The following SPOCK3 variants were observed in gnomAD, a reference collection of about 807,000 sequenced individuals.
SPOCK3 encodes the protein testican-3.
Under a neutral mutation model 56.6 loss-of-function variants are expected in SPOCK3, and 30 were observed. The ratio of observed to expected loss-of-function variants is 0.53; its 90% CI spans 0.40 to 0.72. The LOEUF (loss-of-function observed/expected upper bound fraction) is 0.72. Ranked by LOEUF, SPOCK3 falls within the 30% of genes least tolerant of loss-of-function variation. The pLI is 0.00. For synonymous variants in SPOCK3, 196 were observed against 183.3 expected (o/e 1.07, Z -0.56); for missense variants, 527 against 530.0 (o/e 0.99, Z 0.06).
intron 2 of SPOCK3, among the ~76,000 whole-genome samples, chr4:167,213,257 C>A (rs1735048319): frequency 6.6e-6 from 1 of 152,132 alleles, no homozygotes; most frequent in Non-Finnish European, 1.5e-5. Flanking sequence ...TTTACATGTG[C>A]AATTTCTTCC....
At chr4:166,901,379 A>G (rs1325503869) in intron 5 of SPOCK3, among the ~76,000 whole-genome samples, 2 of 152,162 alleles carry the variant, frequency 1.3e-5, no homozygotes, top group African/African-American at 4.8e-5. Context: ...TATAGGTCCC[A>G]CCTGCAAAGT....
chr4:167,073,219 G>A (rs908453182), intron 2 of SPOCK3, among the ~76,000 whole-genome samples: 4 of 151,372 alleles, frequency 2.6e-5, no homozygotes, highest in African/African-American at 9.7e-5. Context: ...ATTGAATATA[G>A]TTTATAAGAC....
intron 3 of SPOCK3, among the ~76,000 whole-genome samples, chr4:167,046,441 T>G (rs1753729326): frequency 6.7e-6 from 1 of 148,740 alleles, no homozygotes; most frequent in Admixed American, 6.8e-5. Flanking sequence ...TTTTTTTCTT[T>G]CTGATATTCT....
At chr4:167,171,450 T>C (rs1389817690) in intron 2 of SPOCK3, among the ~76,000 whole-genome samples, 5 of 152,122 alleles carry the variant, frequency 3.3e-5, no homozygotes, top group Non-Finnish European at 7.4e-5. Context: ...TGGGGAAAAA[T>C]GTACAAAAGG....
intron 6 of SPOCK3, among the ~76,000 whole-genome samples, chr4:166,874,564 G>A (rs1732881315): frequency 6.6e-6 from 1 of 152,158 alleles, no homozygotes; most frequent in Non-Finnish European, 1.5e-5. Context: ...GAATTAGCAT[G>A]TAATTGCTAA....
intron 6 of SPOCK3, among the ~76,000 whole-genome samples, chr4:166,841,066 C>A (rs1747239884): frequency 6.6e-6 from 1 of 151,862 alleles, no homozygotes; most frequent in African/African-American, 2.4e-5. Context: ...GCGTAAGCCC[C>A]CACGCCCGGC....
intron 2 of SPOCK3, among the ~76,000 whole-genome samples, chr4:167,092,247 C>G (rs1319451697): frequency 2.6e-5 from 4 of 152,140 alleles, no homozygotes; most frequent in African/African-American, 9.6e-5. Flanking sequence ...CCGTGAGGAA[C>G]AGTGCATTCT....
intron 3 of SPOCK3, among the ~76,000 whole-genome samples, chr4:167,003,493 C>A (rs1749152458): frequency 6.6e-6 from 1 of 152,148 alleles, no homozygotes; most frequent in Non-Finnish European, 1.5e-5. Context: ...AACAATAACA[C>A]AACAAATTTC....
chr4:166,818,490 A>G (rs749262465), intron 6 of SPOCK3, among the ~76,000 whole-genome samples: 1 of 152,018 alleles, frequency 6.6e-6, no homozygotes, highest in Non-Finnish European at 1.5e-5. Context: ...CCTTGGCATG[A>G]TTAAGTGTAA....
chr4:167,022,989 T>C (rs1751343126), intron 3 of SPOCK3, among the ~76,000 whole-genome samples: 1 of 152,080 alleles, frequency 6.6e-6, no homozygotes, highest in South Asian at 2.1e-4. Context: ...CCAAGGTCTT[T>C]CCTCCAGTCT....
intron 2 of SPOCK3, among the ~76,000 whole-genome samples, chr4:167,133,238 A>G (rs1762840074): frequency 6.6e-6 from 1 of 152,204 alleles, no homozygotes; most frequent in Non-Finnish European, 1.5e-5. Flanking sequence ...CTGGAGGGTC[A>G]GCATGAAAGA....
chr4:167,151,339 G>T (rs952973617), intron 2 of SPOCK3, among the ~76,000 whole-genome samples: 2 of 152,142 alleles, frequency 1.3e-5, no homozygotes, highest in Non-Finnish European at 2.9e-5. Flanking sequence ...CAGAGGGTGC[G>T]GCAGCACTTG....
chr4:166,894,872 A>G (rs759697903), intron 5 of SPOCK3, among the ~76,000 whole-genome samples: 3 of 152,182 alleles, frequency 2.0e-5, no homozygotes, highest in Non-Finnish European at 4.4e-5. Flanking sequence ...AACACACCTC[A>G]AAATACTCTG....
chr4:167,030,336 T>G (rs556401965), intron 3 of SPOCK3, among the ~76,000 whole-genome samples: 3 of 152,234 alleles, frequency 2.0e-5, no homozygotes, highest in South Asian at 4.1e-4. Flanking sequence ...AGATAAACAT[T>G]ATTTTTTATC....
intron 3 of SPOCK3, among the ~76,000 whole-genome samples, chr4:167,042,123 C>T (rs1414686140): frequency 1.3e-5 from 2 of 152,074 alleles, no homozygotes; most frequent in Admixed American, 1.3e-4. Context: ...ACACAATGTA[C>T]AGTCATCCTT....
intron 4 of SPOCK3, among the ~76,000 whole-genome samples, chr4:166,943,066 C>A (rs1741298284): frequency 6.6e-6 from 1 of 152,072 alleles, no homozygotes; most frequent in South Asian, 2.1e-4. Flanking sequence ...TCAATAATTT[C>A]TATTTGGTTT....
chr4:167,087,036 A>G (rs1758264689), intron 2 of SPOCK3, among the ~76,000 whole-genome samples: 1 of 152,148 alleles, frequency 6.6e-6, no homozygotes. Flanking sequence ...ACCTGGATCT[A>G]TAAGAATATA....
At position 167,175,459 on chromosome 4, in the gene SPOCK3, T is replaced by C. The variant is rs546534920; in HGVS notation, c.189+58526A>G. Among the ~76,000 whole-genome samples, 11 of 152,338 alleles carry C rather than the reference T, an allele frequency of 7.2e-5. No individual in the cohort carries two copies. In the South Asian group the frequency reaches 2.3e-3, roughly 32 times the overall value. ...CACAAAACAATGATTATGGATTTTT[T>C]GTTTCCTTCAAAATTTAAACGTTGA... On this transcript the variant is annotated intron_variant, in intron 2 of 10. Coordinates refer to ENST00000357545, the MANE Select transcript of SPOCK3 (RefSeq NM_001040159.2).
chr4:167,124,643 T>A (rs1192848008), intron 2 of SPOCK3, among the ~76,000 whole-genome samples: 4 of 146,238 alleles, frequency 2.7e-5, no homozygotes, highest in Non-Finnish European at 6.2e-5. Context: ...TAAGTTTGCC[T>A]TATCTTTTTT....
Sources: gnomAD v4.1 joint callset for allele counts (sites outside exome capture counted in the v4.1 genomes callset) on GRCh38, gnomAD v4.1.1 for gene constraint, MANE v1.5 for transcripts, NCBI Gene and HGNC (gene_info 2026-07-23, HGNC 2026-07-21) for gene names.